GRIA2: variants seen among roughly 807,000 people sequenced by gnomAD.
GRIA2 encodes glutamate receptor 2.
In GRIA2, 14 loss-of-function variants were observed where a neutral mutation model predicts 97.3. The ratio of observed to expected loss-of-function variants is 0.14; its 90% CI spans 0.10 to 0.23. The LOEUF is 0.23. Among genes scored for constraint, GRIA2 ranks in the 10% least tolerant of loss-of-function variants. GRIA2 has a pLI of 1.00. For synonymous variants in GRIA2, 412 were observed against 387.8 expected (o/e 1.06, Z -0.73); for missense variants, 558 against 1,069.8 (o/e 0.52, Z 6.67).
chr4:157,282,473 G>C (rs1473071091), intron 2 of GRIA2, among the ~76,000 whole-genome samples: 1 of 152,064 alleles, frequency 6.6e-6, no homozygotes, highest in Non-Finnish European at 1.5e-5. Context: ...TTTGGGAAAA[G>C]TTTAAGAATG....
intron 3 of GRIA2, among the ~76,000 whole-genome samples, chr4:157,305,053 T>A (rs1733781833): frequency 6.6e-6 from 1 of 152,140 alleles, no homozygotes; most frequent in African/African-American, 2.4e-5. Context: ...AAACCGAGAA[T>A]CATTTACAGT....
intron 6 of GRIA2, among the ~76,000 whole-genome samples, chr4:157,330,557 G>C (rs1348079236): frequency 6.6e-6 from 1 of 151,280 alleles, no homozygotes; most frequent in Non-Finnish European, 1.5e-5. Context: ...CCCTTTTTTG[G>C]TGTTAGAATA....
chr4:157,354,952 G>A (rs543448540), intron 12 of GRIA2, among the ~76,000 whole-genome samples: 45 of 152,156 alleles, frequency 3.0e-4, no homozygotes, highest in Non-Finnish European at 5.4e-4. Context: ...CTATAGGTTG[G>A]AGTTTAATTC....
intron 12 of GRIA2, among the ~76,000 whole-genome samples, chr4:157,344,409 A>G (rs1489266200): frequency 6.6e-6 from 1 of 152,076 alleles, no homozygotes; most frequent in Non-Finnish European, 1.5e-5. Context: ...GTGAAAGCTG[A>G]CAGACTGATT....
intron 12 of GRIA2, among the ~76,000 whole-genome samples, chr4:157,349,645 A>G (rs1735920545): frequency 6.6e-6 from 1 of 152,122 alleles, no homozygotes; most frequent in African/African-American, 2.4e-5. Context: ...CAAAAAACCA[A>G]CTGTGCTGGC....
chr4:157,329,725 A>G (rs1328842845), intron 6 of GRIA2, among the ~76,000 whole-genome samples: 4 of 151,938 alleles, frequency 2.6e-5, no homozygotes, highest in Admixed American at 6.6e-5. Flanking sequence ...CATATATAAC[A>G]TATTTTACAA....
At chr4:157,261,930 AT>A (rs1328068447) in intron 2 of GRIA2, among the ~76,000 whole-genome samples, 4 of 152,176 alleles carry the variant, frequency 2.6e-5, no homozygotes, top group African/African-American at 9.6e-5. Flanking sequence ...GAGTTCAAAA[AT>A]TATTTTGTTC....
chr4:157,304,422 G>A (rs913281788), intron 3 of GRIA2, among the ~76,000 whole-genome samples: 3 of 152,058 alleles, frequency 2.0e-5, no homozygotes, highest in African/African-American at 7.2e-5. Flanking sequence ...ATGGAGGGAG[G>A]TACAACCTGT....
chr4:157,336,287 C>T, intron 10 of GRIA2, 90 bp from the exon 11 acceptor site: 1 of 1,036,038 alleles, frequency 9.7e-7, no homozygotes, highest in Non-Finnish European at 1.4e-6. Flanking sequence ...TTCTGATTTC[C>T]TCTCCTTTTT....
intron 2 of GRIA2, among the ~76,000 whole-genome samples, chr4:157,270,863 G>A (rs1323547084): frequency 2.0e-5 from 3 of 151,810 alleles, no homozygotes; most frequent in African/African-American, 7.3e-5. Flanking sequence ...GTGGGGAATA[G>A]AAAGACTCTC....
At chr4:157,324,691 A>G (rs1274422173) in intron 6 of GRIA2, among the ~76,000 whole-genome samples, 1 of 152,144 alleles carries the variant, frequency 6.6e-6, no homozygotes, top group Admixed American at 6.5e-5. Flanking sequence ...GTGAGGAGGG[A>G]GGTCATGTTA....
rs950203735 is a variant in GRIA2 at position 157,334,287 on chromosome 4, T to C, written c.1266+167T>C. 1.1e-5 allele frequency: 6 copies of C among 551,822 alleles called. No homozygotes were observed. The African/African-American group carries it at 1.1e-4, about 10-fold the overall frequency. The allele number at this position is 551,822 out of a possible 1,614,324, so 34.2% of individuals were successfully genotyped here. The stretch of plus-strand genomic sequence containing the variant: ...TTAAAAGGAATACACAAGATCTAGC[T>C]AAAGCATTGAAAATGTTCCCCATTT... On this transcript the variant is annotated intron_variant, in intron 9 of 15. Coordinates refer to ENST00000264426, the MANE Select transcript of GRIA2 (RefSeq NM_001083619.3).
intron 2 of GRIA2, among the ~76,000 whole-genome samples, chr4:157,262,645 C>T (rs977029409): frequency 6.6e-6 from 1 of 151,996 alleles, no homozygotes; most frequent in African/African-American, 2.4e-5. Flanking sequence ...CTATTCTGAC[C>T]ACTATTTAAT....
intron 12 of GRIA2, among the ~76,000 whole-genome samples, chr4:157,348,797 T>G (rs185554371): frequency 5.6e-4 from 86 of 152,298 alleles, no homozygotes; most frequent in Admixed American, 1.8e-3. Context: ...TAGAGGCTTA[T>G]ATGAATATTT....
chr4:157,275,670 G>T (rs1195177500), intron 2 of GRIA2, among the ~76,000 whole-genome samples: 1 of 152,118 alleles, frequency 6.6e-6, no homozygotes, highest in Non-Finnish European at 1.5e-5. Context: ...TCAAAGATCA[G>T]ATAGTTGTAG....
chr4:157,337,949 T>C lies in GRIA2; in HGVS notation c.1844+1202T>C, dbSNP rs1196947344. Among the ~76,000 whole-genome samples, 3 of 145,350 alleles carry C rather than the reference T, an allele frequency of 2.1e-5. No individual in the cohort carries two copies. In the Admixed American group the frequency reaches 2.1e-4, roughly 10 times the overall value. ...CTGTGACTTCCCTGTGGGACTTCAGTGAATTAGAAATATGCCAATGGAATT... is the reference window on the plus strand; with the variant it reads ...CTGTGACTTCCCTGTGGGACTTCAGCGAATTAGAAATATGCCAATGGAATT... On this transcript the variant is annotated intron_variant, in intron 11 of 15. Transcript: ENST00000264426.
At chr4:157,242,997 C>T (rs1313710885) in intron 2 of GRIA2, among the ~76,000 whole-genome samples, 3 of 151,944 alleles carry the variant, frequency 2.0e-5, no homozygotes, top group South Asian at 4.1e-4. Context: ...AAATTACTAA[C>T]AAAAAGTGCA....
chr4:157,338,041 TATATATATAC>T (rs1276638981), intron 11 of GRIA2, among the ~76,000 whole-genome samples: 6,061 of 20,284 alleles, frequency 0.3, 315 homozygotes, highest in South Asian at 0.48. Context: ...TATATATATA[TATATATATAC>T]ACACACATTT....
intron 2 of GRIA2, among the ~76,000 whole-genome samples, chr4:157,273,803 C>T (rs1055020702): frequency 2.0e-5 from 3 of 151,972 alleles, no homozygotes; most frequent in African/African-American, 7.2e-5. Flanking sequence ...AAGAAAAGAA[C>T]AGAACTAATA....
Sources: allele counts gnomAD v4.1 joint callset (sites outside exome capture counted in the v4.1 genomes callset), GRCh38; gene constraint gnomAD v4.1.1; transcripts MANE v1.5; gene names NCBI Gene and HGNC (gene_info 2026-07-23, HGNC 2026-07-21).